Variants in VWA3B observed in about 807,000 individuals in gnomAD.
VWA3B encodes von Willebrand factor A domain-containing protein 3B.
A neutral mutation model predicts 158.3 loss-of-function variants in VWA3B; 138 were observed. The observed-to-expected ratio is 0.87, with a 90% CI of 0.76 to 1.00. The LOEUF (loss-of-function observed/expected upper bound fraction) is 1.00. Among genes scored for constraint, VWA3B ranks in the 50% least tolerant of loss-of-function variants. The probability of loss-of-function intolerance (pLI) is 0.00; values close to 1 mark genes in which losing one functional copy is unlikely to be tolerated. For synonymous variants in VWA3B, 596 were observed against 587.3 expected (o/e 1.01, Z -0.21); for missense variants, 1,555 against 1,565.1 (o/e 0.99, Z 0.11).
intron 9 of VWA3B, among the ~76,000 whole-genome samples, chr2:98,182,365 G>C (rs1680667923): frequency 6.6e-6 from 1 of 152,204 alleles, no homozygotes; most frequent in Non-Finnish European, 1.5e-5. Context: ...GTCCGTCGGG[G>C]CTATGTGAGC....
intron 7 of VWA3B, among the ~76,000 whole-genome samples, chr2:98,148,620 G>T (rs796075065): frequency 1.3e-5 from 2 of 152,256 alleles, no homozygotes; most frequent in African/African-American, 4.8e-5. Context: ...TAAAACAAAA[G>T]CAAAAATTGT....
chr2:98,330,311 C>T, the VWA3B span, among the ~76,000 whole-genome samples: 2 of 152,180 alleles, frequency 1.3e-5, 1 homozygote, highest in South Asian at 4.1e-4. Flanking sequence ...GGATGGTGGT[C>T]CGGAGACTTA....
chr2:98,188,808 A>G (rs1282658173), intron 10 of VWA3B, among the ~76,000 whole-genome samples: 1 of 152,104 alleles, frequency 6.6e-6, no homozygotes, highest in Non-Finnish European at 1.5e-5. Context: ...TGTTAAAAAA[A>G]AGGTGGGGGT....
intron 2 of VWA3B, among the ~76,000 whole-genome samples, chr2:98,105,687 T>C (rs1673587070): frequency 1.3e-5 from 2 of 152,142 alleles, no homozygotes; most frequent in African/African-American, 2.4e-5. Flanking sequence ...ATGATCACAC[T>C]ACTTCACTCC....
At chr2:98,160,054 G>C (rs1276134278) in intron 7 of VWA3B, among the ~76,000 whole-genome samples, 1 of 151,118 alleles carries the variant, frequency 6.6e-6, no homozygotes, top group Non-Finnish European at 1.5e-5. Flanking sequence ...GCTTCCTGCT[G>C]TTTCATCTCC....
chr2:98,294,395 A>G (rs6725543), intron 23 of VWA3B, among the ~76,000 whole-genome samples: 29,343 of 152,168 alleles, frequency 0.19, 3,011 homozygotes, highest in Admixed American at 0.29. Flanking sequence ...TGAGGCGTCC[A>G]CTACATGAGG....
chr2:98,129,177 C>T (rs1213946992), intron 6 of VWA3B, among the ~76,000 whole-genome samples: 2 of 149,614 alleles, frequency 1.3e-5, no homozygotes. Flanking sequence ...TGTTCTCACA[C>T]GGTGGAGAGA....
At chr2:98,174,520 CAAT>C (rs1257156502) in intron 8 of VWA3B, among the ~76,000 whole-genome samples, 1 of 152,158 alleles carries the variant, frequency 6.6e-6, no homozygotes, top group African/African-American at 2.4e-5. Flanking sequence ...TTGTCAAAAA[CAAT>C]GAGAGGTGAT....
chr2:98,242,871 C>T (rs1686167785), intron 19 of VWA3B, among the ~76,000 whole-genome samples: 1 of 151,512 alleles, frequency 6.6e-6, no homozygotes, highest in African/African-American at 2.4e-5. Context: ...CAAGTCATGA[C>T]ATTTTGTTGC....
intron 10 of VWA3B, among the ~76,000 whole-genome samples, chr2:98,191,136 C>A (rs1681538949): frequency 6.6e-6 from 1 of 152,070 alleles, no homozygotes; most frequent in Admixed American, 6.5e-5. Flanking sequence ...CTATTAATAC[C>A]ATGCAGTGTA....
intron 19 of VWA3B, among the ~76,000 whole-genome samples, chr2:98,237,900 A>G (rs1458151575): frequency 2.6e-5 from 4 of 152,142 alleles, no homozygotes; most frequent in Admixed American, 2.6e-4. Context: ...AGTAGATGAA[A>G]TAGATAGACC....
chr2:98,158,773 G>A (rs995625454), intron 7 of VWA3B, among the ~76,000 whole-genome samples: 3 of 151,966 alleles, frequency 2.0e-5, no homozygotes, highest in Admixed American at 6.6e-5. Flanking sequence ...TGCAGCGGAG[G>A]GCTCAGTCCT....
At chr2:98,143,090 A>G (rs1200276345) in intron 7 of VWA3B, among the ~76,000 whole-genome samples, 1 of 152,160 alleles carries the variant, frequency 6.6e-6, no homozygotes, top group African/African-American at 2.4e-5. Flanking sequence ...CCCAGGCTGG[A>G]GTGCAGTGGC....
the VWA3B span, among the ~76,000 whole-genome samples, chr2:98,322,188 A>G: frequency 1.3e-5 from 2 of 152,210 alleles, no homozygotes; most frequent in African/African-American, 4.8e-5. Flanking sequence ...TTTTTAAGTT[A>G]CCTCTATTTA....
At chr2:98,162,825 C>G in intron 7 of VWA3B, 26 bp from the exon 8 acceptor site, 2 of 1,612,010 alleles carry the variant, frequency 1.2e-6, no homozygotes, top group Non-Finnish European at 1.7e-6. Flanking sequence ...CTCAGCCGGC[C>G]GCTCATGCTG....
At chr2:98,137,298 A>C (rs192233004) in intron 7 of VWA3B, among the ~76,000 whole-genome samples, 2 of 152,314 alleles carry the variant, frequency 1.3e-5, no homozygotes, top group African/African-American at 4.8e-5. Flanking sequence ...CATCCTGGCC[A>C]ACACTTGTTA....
chr2:98,192,757 C>A, intron 10 of VWA3B, 141 bp from the exon 11 acceptor site: 1 of 1,177,186 alleles, frequency 8.5e-7, no homozygotes, highest in Non-Finnish European at 1.2e-6. Context: ...AACCTCAAAG[C>A]GAATGATCTA....
At chr2:98,279,736 G>C (rs1187091065) in intron 22 of VWA3B, among the ~76,000 whole-genome samples, 3 of 152,206 alleles carry the variant, frequency 2.0e-5, no homozygotes, top group South Asian at 2.1e-4. Context: ...AGAGCAGGGA[G>C]TGGGCAGGAC....
At chr2:98,270,260 T>C (rs1455321564) in intron 21 of VWA3B, among the ~76,000 whole-genome samples, 1 of 152,234 alleles carries the variant, frequency 6.6e-6, no homozygotes, top group Non-Finnish European at 1.5e-5. Flanking sequence ...GGCAAATATT[T>C]GGGTTTGTTT....
Sources: gnomAD v4.1 joint callset for allele counts (sites outside exome capture counted in the v4.1 genomes callset) on GRCh38, gnomAD v4.1.1 for gene constraint, MANE v1.5 for transcripts, NCBI Gene and HGNC (gene_info 2026-07-23, HGNC 2026-07-21) for gene names.